Variants in TMEFF2 observed in about 807,000 individuals in gnomAD.
TMEFF2 encodes the protein tomoregulin-2.
In TMEFF2, 28 loss-of-function variants were observed where a neutral mutation model predicts 53.8. That is an observed-to-expected ratio of 0.52 (90% CI 0.39 to 0.71). TMEFF2 has a LOEUF of 0.71. TMEFF2 is among the 30% of genes least tolerant of loss of function. The pLI, the probability that TMEFF2 is intolerant of heterozygous loss-of-function variation, is 0.00. For synonymous variants in TMEFF2, 162 were observed against 166.3 expected (o/e 0.97, Z 0.20); for missense variants, 353 against 455.2 (o/e 0.78, Z 2.04).
chr2:192,182,134 T>C (rs998423553), intron 3 of TMEFF2, among the ~76,000 whole-genome samples: 1 of 151,766 alleles, frequency 6.6e-6, no homozygotes, highest in Non-Finnish European at 1.5e-5. Context: ...CAAAAAAAAA[T>C]TAAGTTCAAT....
At chr2:192,185,444 A>C (rs1369404202) in intron 2 of TMEFF2, among the ~76,000 whole-genome samples, 1 of 152,078 alleles carries the variant, frequency 6.6e-6, no homozygotes, top group East Asian at 1.9e-4. Context: ...TATGCCAGAA[A>C]CTAAGTAAGG....
At chr2:192,008,418 G>A (rs1210279979) in intron 5 of TMEFF2, among the ~76,000 whole-genome samples, 2 of 152,162 alleles carry the variant, frequency 1.3e-5, no homozygotes, top group African/African-American at 2.4e-5. Context: ...AGAAGTAGCT[G>A]CATTTACATC....
chr2:192,138,306 C>T (rs16834235), intron 4 of TMEFF2, among the ~76,000 whole-genome samples: 2,740 of 152,244 alleles, frequency 0.018, 78 homozygotes, highest in African/African-American at 0.063. Context: ...ATTGTGACAT[C>T]GGTACAGATA....
At chr2:192,061,888 CCTG>C (rs1410235539) in intron 4 of TMEFF2, among the ~76,000 whole-genome samples, 1 of 152,162 alleles carries the variant, frequency 6.6e-6, no homozygotes, top group Non-Finnish European at 1.5e-5. Flanking sequence ...ACATGACACA[CCTG>C]CTGCCACTAT....
intron 5 of TMEFF2, among the ~76,000 whole-genome samples, chr2:192,016,294 A>C (rs1686742987): frequency 6.6e-6 from 1 of 152,230 alleles, no homozygotes; most frequent in Non-Finnish European, 1.5e-5. Flanking sequence ...TGGTGAATAC[A>C]TGTCTACCTT....
intron 8 of TMEFF2, 149 bp downstream of exon 8, chr2:191,956,106 G>C (rs1219935906): frequency 6.8e-6 from 4 of 587,748 alleles, no homozygotes; most frequent in African/African-American, 6.4e-5. Flanking sequence ...GTGTGTATGT[G>C]TGTATGCATG....
At chr2:192,057,603 C>A in intron 5 of TMEFF2, 76 bp downstream of exon 5, 1 of 1,223,338 alleles carries the variant, frequency 8.2e-7, no homozygotes, top group Non-Finnish European at 1.2e-6. Context: ...TCTTCTGTTG[C>A]AGAATGGTTG....
At chr2:192,193,800 A>AGG (rs1691531313) in intron 1 of TMEFF2, among the ~76,000 whole-genome samples, 1 of 146,068 alleles carries the variant, frequency 6.8e-6, no homozygotes, top group African/African-American at 2.6e-5. Flanking sequence ...AGAGAGAGAG[A>AGG]GAGAGAGAAA....
intron 7 of TMEFF2, among the ~76,000 whole-genome samples, chr2:191,983,411 G>A (rs1419098292): frequency 6.8e-6 from 1 of 147,454 alleles, no homozygotes; most frequent in Non-Finnish European, 1.5e-5. Context: ...TTTTCTCCTG[G>A]GGCAAAAAGG....
chr2:192,157,110 G>A (rs1559150025), intron 4 of TMEFF2, among the ~76,000 whole-genome samples: 1 of 151,998 alleles, frequency 6.6e-6, no homozygotes, highest in African/African-American at 2.4e-5. Flanking sequence ...AGGGAAATCA[G>A]TGTCAACTTT....
At chr2:192,001,731 T>C (rs977184318) in intron 5 of TMEFF2, among the ~76,000 whole-genome samples, 8 of 146,258 alleles carry the variant, frequency 5.5e-5, no homozygotes, top group African/African-American at 2.0e-4. Context: ...CTGCACAAGC[T>C]CTCTTCTCTT....
chr2:192,146,947 T>A (rs1388298459), intron 4 of TMEFF2, among the ~76,000 whole-genome samples: 3 of 152,072 alleles, frequency 2.0e-5, no homozygotes, highest in Non-Finnish European at 4.4e-5. Flanking sequence ...ACATAAACAT[T>A]TCAGTTTTAG....
chr2:192,096,670 CTTTTTTT>C (rs1179296312), intron 4 of TMEFF2, among the ~76,000 whole-genome samples: 1 of 53,702 alleles, frequency 1.9e-5, no homozygotes, highest in South Asian at 8.0e-4. Context: ...CTCTCTCTCT[CTTTTTTT>C]TTTTTTTTTT....
At chr2:192,170,447 T>C (rs1178286031) in intron 4 of TMEFF2, among the ~76,000 whole-genome samples, 1 of 152,038 alleles carries the variant, frequency 6.6e-6, no homozygotes, top group Admixed American at 6.6e-5. Flanking sequence ...GATGCAATTA[T>C]AGAAATGGGT....
chr2:192,022,558 T>C (rs1201377745), intron 5 of TMEFF2, among the ~76,000 whole-genome samples: 1 of 152,198 alleles, frequency 6.6e-6, no homozygotes, highest in Non-Finnish European at 1.5e-5. Flanking sequence ...GTTTCTTTGG[T>C]AGAACCCTTC....
intron 7 of TMEFF2, among the ~76,000 whole-genome samples, chr2:191,986,817 C>G (rs1269772458): frequency 1.4e-5 from 2 of 144,398 alleles, no homozygotes; most frequent in Non-Finnish European, 3.0e-5. Context: ...GACATGGTGT[C>G]ACTGCACTCC....
intron 4 of TMEFF2, among the ~76,000 whole-genome samples, chr2:192,088,192 AT>A (rs58485065): frequency 0.43 from 64,012 of 150,002 alleles, 14,653 homozygotes; most frequent in South Asian, 0.55. Flanking sequence ...TCAAATAGTT[AT>A]TTTTTTTTTT....
chr2:192,079,650 A>AT, intron 4 of TMEFF2, among the ~76,000 whole-genome samples: 1 of 152,280 alleles, frequency 6.6e-6, no homozygotes, highest in East Asian at 1.9e-4. Flanking sequence ...GATTAAAATG[A>AT]TTTTTCCTTA....
intron 4 of TMEFF2, among the ~76,000 whole-genome samples, chr2:192,123,786 C>T (rs1323048221): frequency 6.6e-6 from 1 of 152,146 alleles, no homozygotes; most frequent in Non-Finnish European, 1.5e-5. Flanking sequence ...CTAATGGTCA[C>T]AATATTGTTA....
Sources: gnomAD v4.1 joint callset for allele counts (sites outside exome capture counted in the v4.1 genomes callset) on GRCh38, gnomAD v4.1.1 for gene constraint, MANE v1.5 for transcripts, NCBI Gene and HGNC (gene_info 2026-07-23, HGNC 2026-07-21) for gene names.